Variants in VWF observed in about 807,000 individuals in gnomAD.
The protein encoded by VWF is von Willebrand factor.
In VWF, 176 loss-of-function variants were observed where a neutral mutation model predicts 308.6. That is an observed-to-expected ratio of 0.57 (90% CI 0.50 to 0.65). VWF has a LOEUF of 0.65. Ranked by LOEUF, VWF falls within the 30% of genes least tolerant of loss-of-function variation. The pLI is 0.00. For synonymous variants in VWF, 1,385 were observed against 1,443.4 expected, an observed-to-expected ratio of 0.96 and a Z score of 0.92; for missense variants, 3,146 against 3,648.2, an observed-to-expected ratio of 0.86 and a Z score of 3.55.
rs774725519 is a variant in VWF, at chr12:6,062,990, C to G, written c.1497G>C (p.Gln499His). The G allele has an allele frequency of 5.0e-6, 8 of 1,613,410 alleles. No homozygotes were observed. Among genetic ancestry groups the G allele is most frequent in the Non-Finnish European group, 6.8e-6 (8 of 1,180,032 alleles). ...GCCTCCCGCGGCCATCCCAGTCCAT[C>G]TGCAGGTCCTCCCCGTAGCTGAGGC... ...SVRLSYGEDLQMDWDGRGRLL... is the reference protein window; with the variant it reads ...SVRLSYGEDLHMDWDGRGRLL... Residue 499 changes from glutamine (Q) to histidine (H), a missense_variant, in exon 13 of 52, where the codon CAG (glutamine) becomes CAC (histidine). Gln to His is a conservative substitution (Grantham distance 24). Around this residue, in one of 3 missense-constraint regions of VWF, gnomAD observed 1,304 missense variants for 1,353.0 expected, o/e 0.96. Coordinates refer to ENST00000261405, the MANE Select transcript of VWF (RefSeq NM_000552.5).
intron 34 of VWF, among the ~76,000 whole-genome samples, chr12:6,001,807 T>A (rs1030228870): frequency 6.6e-6 from 1 of 152,114 alleles, no homozygotes; most frequent in Admixed American, 6.5e-5. Flanking sequence ...TAATAGAGAA[T>A]ACACCTTCAC....
At chr12:6,052,811 C>T (rs1944534003) in intron 15 of VWF, 28 bp from the exon 16 acceptor site, 1 of 1,605,342 alleles carries the variant, frequency 6.2e-7, no homozygotes, top group Non-Finnish European at 8.5e-7. Flanking sequence ...AGTAAGGCCT[C>T]AGCGGGAATG....
intron 41 of VWF, among the ~76,000 whole-genome samples, 175 bp downstream of exon 41, chr12:5,982,975 G>A (rs938542660): frequency 4.6e-5 from 7 of 152,226 alleles, no homozygotes; most frequent in Admixed American, 1.3e-4. Flanking sequence ...CAGCCGGAAG[G>A]ATTCCGTGCA....
At chr12:6,053,690 G>A (rs1000390239) in intron 15 of VWF, among the ~76,000 whole-genome samples, 3 of 152,206 alleles carry the variant, frequency 2.0e-5, no homozygotes, top group Admixed American at 6.5e-5. Context: ...GTGTGATCTT[G>A]GGCAGTATCC....
chr12:5,980,963 T>C (rs1943598519), intron 42 of VWF, among the ~76,000 whole-genome samples: 1 of 152,254 alleles, frequency 6.6e-6, no homozygotes, highest in Non-Finnish European at 1.5e-5. Context: ...CTAATCTTGG[T>C]GGCTCTTTCA....
Position 5,985,013 on chromosome 12 carries a change from C to G in VWF, c.6976+32G>C, listed in dbSNP as rs530561697. 5.6e-5 allele frequency: 91 copies of G among 1,611,258 alleles called. No homozygotes were observed. In the South Asian group the frequency reaches 8.0e-4, roughly 14 times the overall value. ...GGTGCCCCCTGGGGCTAGGGTTGGG[C>G]CCTGGAGACATCCCCCTGGTGGGAC... On this transcript the variant is annotated intron_variant, in intron 40 of 51. Transcript: ENST00000261405.
chr12:5,965,179 C>G (rs183444307), intron 47 of VWF, among the ~76,000 whole-genome samples: 1 of 152,340 alleles, frequency 6.6e-6, no homozygotes, highest in Admixed American at 6.5e-5. Context: ...GCAGCCTCTT[C>G]CTCCTCCTGC....
rs530985932 is a variant in VWF at position 5,957,565 on chromosome 12, G to A, written c.7888-3971C>T. Among the ~76,000 whole-genome samples the A allele has an allele frequency of 4.6e-4, 70 of 151,922 alleles. 1 individual carries two copies. Among genetic ancestry groups the A allele is most frequent in the African/African-American group, 1.6e-3 (68 of 41,292 alleles). On this transcript the variant is annotated intron_variant, in intron 47 of 51. Coordinates refer to ENST00000261405, the MANE Select transcript of VWF (RefSeq NM_000552.5). ...ACAGGAAAACAACAATAAAAATGGC[G>A]GCTGACTGGTCATCAGAAATAACAC...
rs1413320081 is a variant in VWF at position 5,981,952 on chromosome 12, G to A, written c.7121C>T (p.Ser2374Phe). The A allele has an allele frequency of 6.2e-7, 1 of 1,610,400 alleles. No homozygotes were observed. Among genetic ancestry groups the A allele is most frequent in the African/African-American group, 1.3e-5 (1 of 74,664 alleles). ...GGTGGGCAAACGGTGCGGGGGGCAGGAGGGTGGGGACACTCTTTTGCACTC... is the reference window on the plus strand; with the variant it reads ...GGTGGGCAAACGGTGCGGGGGGCAGAAGGGTGGGGACACTCTTTTGCACTC... ...KEECKRVSPP[S>F]CPPHRLPTLR... The change falls in exon 42 of 52, where the codon TCC (serine) becomes TTC (phenylalanine). Residue 2374 changes from serine to phenylalanine, a missense_variant. Ser to Phe is a radical substitution (Grantham distance 155). Transcript: ENST00000261405.
chr12:6,023,401 G>T (rs1944152283), intron 25 of VWF, among the ~76,000 whole-genome samples: 1 of 152,154 alleles, frequency 6.6e-6, no homozygotes, highest in Admixed American at 6.5e-5. Context: ...CTCTCCAGAA[G>T]AAAAGTCTCC....
chr12:6,092,346 T>A (rs1004738376), intron 6 of VWF, among the ~76,000 whole-genome samples: 4 of 149,848 alleles, frequency 2.7e-5, no homozygotes, highest in Non-Finnish European at 5.9e-5. Context: ...TTTTGCGGGT[T>A]TTTTTTTTTC....
intron 34 of VWF, among the ~76,000 whole-genome samples, chr12:6,008,166 C>T (rs144129043): frequency 0.012 from 1,877 of 152,050 alleles, 42 homozygotes; most frequent in African/African-American, 0.041. Context: ...AAGTGGGAAA[C>T]CTACTTTATG....
At chr12:5,976,404 C>T (rs1943534147) in intron 42 of VWF, 144 bp from the exon 43 acceptor site, 1 of 1,065,802 alleles carries the variant, frequency 9.4e-7, no homozygotes, top group African/African-American at 1.6e-5. Flanking sequence ...ATATGCAGGG[C>T]TGCTTATAAA....
intron 38 of VWF, 119 bp downstream of exon 38, chr12:5,991,700 T>A: frequency 9.4e-7 from 1 of 1,065,198 alleles, no homozygotes; most frequent in East Asian, 2.4e-5. Flanking sequence ...TCCCTAATGA[T>A]CCCCGTAAGA....
chr12:6,016,130 A>G lies in VWF; in HGVS notation c.5414T>C (p.Val1805Ala). The change falls in exon 31 of 52, where the codon GTG (valine) becomes GCG (alanine). Residue 1805 changes from valine to alanine, a missense_variant. By Grantham distance (64) the Val-to-Ala change is moderately conservative. Coordinates refer to ENST00000261405, the MANE Select transcript of VWF (RefSeq NM_000552.5). ...AVVILVTDVS[V>A]DSVDAAADAA... The stretch of plus-strand genomic sequence containing the variant: ...ATCAGCTGCTGCATCCACTGAATCC[A>G]CAGAGACGTCCGTGACCAGGATGAC... The G allele has an allele frequency of 1.2e-6, 2 of 1,614,196 alleles. No homozygotes were observed. Among genetic ancestry groups the G allele is most frequent in the Non-Finnish European group, 1.7e-6 (2 of 1,180,036 alleles).
chr12:5,955,553 T>C (rs1943238889), intron 47 of VWF, among the ~76,000 whole-genome samples: 1 of 152,234 alleles, frequency 6.6e-6, no homozygotes, highest in African/African-American at 2.4e-5. Flanking sequence ...GAACTCATCA[T>C]TTTTTATGGC....
At chr12:6,037,827 TG>T (rs759068092) in intron 18 of VWF, among the ~76,000 whole-genome samples, 35 of 151,488 alleles carry the variant, frequency 2.3e-4, no homozygotes, top group South Asian at 8.3e-4. Context: ...GACAAATCCC[TG>T]GGAACAGGGC....
At chr12:5,970,824 C>CCCAGCA (rs1371053984) in intron 44 of VWF, among the ~76,000 whole-genome samples, 4 of 152,230 alleles carry the variant, frequency 2.6e-5, no homozygotes, top group African/African-American at 9.6e-5. Flanking sequence ...TTCACCTGTT[C>CCCAGCA]CCAGCACCAG....
intron 6 of VWF, among the ~76,000 whole-genome samples, chr12:6,092,610 T>TGAGAGA (rs113664724): frequency 1.8e-5 from 1 of 57,054 alleles, no homozygotes; most frequent in South Asian, 7.1e-4. Flanking sequence ...AGTTAGTGAG[T>TGAGAGA]GAGTGAGAGT....
Sources: gnomAD v4.1 joint callset for allele counts (sites outside exome capture counted in the v4.1 genomes callset) on GRCh38, gnomAD v4.1.1 for gene constraint, gnomAD v4.1.1 regional missense constraint, MANE v1.5 for transcripts, NCBI Gene and HGNC (gene_info 2026-07-23, HGNC 2026-07-21) for gene names.